Variants in FOXP2 observed in about 807,000 individuals in gnomAD.
FOXP2 encodes the protein forkhead box protein P2.
Under a neutral mutation model 115.8 loss-of-function variants are expected in FOXP2, and 12 were observed. The observed-to-expected ratio is 0.10, with a 90% confidence interval of 0.07 to 0.17. The LOEUF (loss-of-function observed/expected upper bound fraction) is 0.17. FOXP2 is among the 10% of genes least tolerant of loss of function. The probability of loss-of-function intolerance (pLI) is 1.00; values close to 1 mark genes in which losing one functional copy is unlikely to be tolerated. For missense variants in FOXP2, 629 were observed against 843.5 expected (o/e 0.75, Z 3.15); for synonymous variants, 328 against 297.7 (o/e 1.10, Z -1.05).
chr7:114,636,510 A>T (rs540947111), intron 6 of FOXP2, among the ~76,000 whole-genome samples: 53 of 152,252 alleles, frequency 3.5e-4, no homozygotes, highest in African/African-American at 1.3e-3. Context: ...ATCACTAAAT[A>T]AGTTAGTTAA....
rs560448844 is a variant in FOXP2 at position 114,291,433 on chromosome 7, A to G, written c.-11+3324A>G. 5.3e-5 allele frequency among the ~76,000 whole-genome samples: 8 copies of G among 152,252 alleles called. No individual in the cohort carries two copies. In the South Asian group the frequency reaches 1.7e-3, roughly 32 times the overall value. On this transcript the variant is annotated intron_variant, in intron 2 of 17. Coordinates refer to the FOXP2 transcript ENST00000634411. ...AAATATTCAGTGTATTGCATTATGT[A>G]CCTGTGCTCTCTGTGTTTGGTTAGA...
intron 2 of FOXP2, among the ~76,000 whole-genome samples, chr7:114,467,081 T>C (rs1795832772): frequency 6.6e-6 from 1 of 152,168 alleles, no homozygotes; most frequent in South Asian, 2.1e-4. Context: ...GTTTCTCTTT[T>C]TCCATAGATT....
rs1031685019 is a variant in FOXP2, at chr7:114,380,853, A to G, written c.-10-45649A>G. On this transcript the variant is annotated intron_variant, in intron 2 of 17. Coordinates refer to the FOXP2 transcript ENST00000634411. ...AGGCCAACCCTTTGCCACTACATCT[A>G]TTTTCTTACTCAGGTATGCCATGGG... Among the ~76,000 whole-genome samples the G allele has an allele frequency of 5.9e-5, 9 of 152,248 alleles. 1 individual carries two copies. The highest frequency in any genetic ancestry group is 5.2e-4 in the Admixed American group (8 of 15,300).
chr7:114,137,810 C>T (rs1010681292), intron 1 of FOXP2, among the ~76,000 whole-genome samples: 10 of 151,948 alleles, frequency 6.6e-5, no homozygotes, highest in Non-Finnish European at 1.3e-4. Context: ...TTACATACAG[C>T]AATGTTTATA....
chr7:114,354,975 T>G lies in FOXP2; in HGVS notation c.-11+66866T>G, dbSNP rs138154632. Among the ~76,000 whole-genome samples, 1,061 of 152,318 alleles carry G rather than the reference T, an allele frequency of 7.0e-3. 9 individuals carry two copies. The highest frequency in any genetic ancestry group is 0.024 in the African/African-American group (997 of 41,576). ...CTTTTTCTGTCACTGTTTTCAATAC[T>G]GAATTCTCTTTGAAGACATGTCATC... is the stretch of plus-strand genomic sequence containing the variant. On this transcript the variant is annotated intron_variant, in intron 2 of 17. Transcript: ENST00000634411.
At chr7:114,418,956 G>A (rs889855786) in intron 1 of FOXP2, among the ~76,000 whole-genome samples, 1 of 151,782 alleles carries the variant, frequency 6.6e-6, no homozygotes, top group Non-Finnish European at 1.5e-5. Flanking sequence ...ACTGACAAAT[G>A]ATAATGTAAA....
Position 114,448,639 on chromosome 7 carries a change from A to C in FOXP2, c.168+21960A>C, listed in dbSNP as rs138156668. 3.1e-3 allele frequency among the ~76,000 whole-genome samples: 468 copies of C among 152,270 alleles called. 2 individuals are homozygous for C. The highest frequency in any genetic ancestry group is 5.2e-3 in the Non-Finnish European group (354 of 67,994). ...TACAGCTATAGAGAAATATACAATTACTTAGCCATTCCACTTTCTAGATAA... is the reference window on the plus strand; with the variant it reads ...TACAGCTATAGAGAAATATACAATTCCTTAGCCATTCCACTTTCTAGATAA... On this transcript the variant is annotated intron_variant, in intron 2 of 16. Coordinates refer to ENST00000350908, the MANE Select transcript of FOXP2 (RefSeq NM_014491.4).
At chr7:114,642,953 C>A (rs923489406) in intron 7 of FOXP2, among the ~76,000 whole-genome samples, 1 of 150,386 alleles carries the variant, frequency 6.6e-6, no homozygotes, top group Admixed American at 6.6e-5. Context: ...GGACTACAGG[C>A]GCCCGCCCCC....
chr7:114,570,673 A>G, intron 3 of FOXP2: 1 of 706,088 alleles, frequency 1.4e-6, no homozygotes, highest in Non-Finnish European at 2.6e-6. Flanking sequence ...ACAATGATGG[A>G]ATATTCTTCC....
chr7:114,334,260 AACTGTGTCCATT>A (rs918098848), intron 2 of FOXP2, among the ~76,000 whole-genome samples: 2 of 152,088 alleles, frequency 1.3e-5, no homozygotes, highest in Admixed American at 1.3e-4. Context: ...CCTGGGTTAA[AACTGTGTCCATT>A]AGTGCTTGAG....
At chr7:114,638,700 T>C (rs989954279) in intron 6 of FOXP2, among the ~76,000 whole-genome samples, 5 of 152,190 alleles carry the variant, frequency 3.3e-5, no homozygotes, top group Non-Finnish European at 4.4e-5. Context: ...CTAATGCCTG[T>C]GTTTCCCCTC....
At chr7:114,170,193 T>G (rs1397638700) in intron 1 of FOXP2, among the ~76,000 whole-genome samples, 6 of 152,228 alleles carry the variant, frequency 3.9e-5, no homozygotes, top group Non-Finnish European at 5.9e-5. Context: ...TAATCATTGA[T>G]GTTACTATTA....
At position 114,519,874 on chromosome 7, in the gene FOXP2, T is replaced by C. The variant is rs573866046; in HGVS notation, c.169-14743T>C. On this transcript the variant is annotated intron_variant, in intron 2 of 16. Transcript: ENST00000350908. ...TCAGAAATAAGGTTTTAATTTCCAA[T>C]TTTATCCGTCTTTTTATAAGCATTC... Among the ~76,000 whole-genome samples the C allele has an allele frequency of 2.6e-5, 4 of 152,284 alleles. No individual in the cohort carries two copies. In the South Asian group the frequency reaches 8.3e-4, roughly 32 times the overall value.
intron 1 of FOXP2, among the ~76,000 whole-genome samples, chr7:114,249,870 A>C (rs1035181930): frequency 6.6e-6 from 1 of 151,802 alleles, no homozygotes. Flanking sequence ...ACATATGTTT[A>C]CATGTGCCAT....
At chr7:114,240,712 A>C (rs1795131120) in intron 1 of FOXP2, among the ~76,000 whole-genome samples, 1 of 151,920 alleles carries the variant, frequency 6.6e-6, no homozygotes, top group East Asian at 1.9e-4. Flanking sequence ...AAAAAACCCT[A>C]TTTCAAAGTT....
intron 3 of FOXP2, among the ~76,000 whole-genome samples, chr7:114,568,705 C>A (rs534233164): frequency 1.3e-5 from 2 of 151,718 alleles, no homozygotes; most frequent in African/African-American, 4.8e-5. Flanking sequence ...TATTTTGGCA[C>A]CTGTATCCCT....
At chr7:114,652,179 G>A in intron 8 of FOXP2, 24 bp from the exon 9 acceptor site, 1 of 1,609,864 alleles carries the variant, frequency 6.2e-7, no homozygotes, top group South Asian at 1.1e-5. Context: ...TTTACATTCT[G>A]TTTTGTGTCT....
chr7:114,166,057 G>A (rs527984059), intron 1 of FOXP2, among the ~76,000 whole-genome samples: 2 of 152,254 alleles, frequency 1.3e-5, no homozygotes, highest in African/African-American at 4.8e-5. Context: ...GGACATTTAT[G>A]TGTTAAAAAA....
At chr7:114,142,484 A>G (rs1374255577) in intron 1 of FOXP2, among the ~76,000 whole-genome samples, 3 of 152,242 alleles carry the variant, frequency 2.0e-5, no homozygotes, top group Admixed American at 2.0e-4. Flanking sequence ...ATGAGGGGCT[A>G]GATGAAATGC....
Sources: gnomAD v4.1 joint callset for allele counts (sites outside exome capture counted in the v4.1 genomes callset) on GRCh38, gnomAD v4.1.1 for gene constraint, MANE v1.5 for transcripts, NCBI Gene and HGNC (gene_info 2026-07-23, HGNC 2026-07-21) for gene names.